HTR4: variants seen among roughly 807,000 people sequenced by gnomAD.
HTR4 encodes 5-hydroxytryptamine receptor 4.
Under a neutral mutation model 36.8 loss-of-function variants are expected in HTR4, and 16 were observed. The ratio of observed to expected loss-of-function variants is 0.43; its 90% CI spans 0.29 to 0.66. HTR4 has a LOEUF of 0.66. Among genes scored for constraint, HTR4 ranks in the 30% least tolerant of loss-of-function variants. The pLI, the probability that HTR4 is intolerant of heterozygous loss-of-function variation, is 0.13. For missense variants in HTR4, 438 were observed against 490.9 expected (o/e 0.89, Z 1.02); for synonymous variants, 189 against 185.1 (o/e 1.02, Z -0.17).
At chr5:148,617,032 G>C (rs533886959) in intron 2 of HTR4, among the ~76,000 whole-genome samples, 3 of 152,098 alleles carry the variant, frequency 2.0e-5, no homozygotes, top group Non-Finnish European at 4.4e-5. Context: ...TTTCCATTTT[G>C]ATATGGTTTG....
At chr5:148,518,259 T>A (rs535649099) in intron 5 of HTR4, among the ~76,000 whole-genome samples, 91 of 152,178 alleles carry the variant, frequency 6.0e-4, no homozygotes, top group Admixed American at 2.0e-3. Context: ...TATTTTCATC[T>A]CATCACTTAT....
chr5:148,451,341 C>G, intron 5 of HTR4: 2 of 1,607,094 alleles, frequency 1.2e-6, no homozygotes, highest in Non-Finnish European at 1.7e-6. Flanking sequence ...GTCAAGAGCA[C>G]TCCTTCTACT....
intron 2 of HTR4, among the ~76,000 whole-genome samples, chr5:148,595,128 G>A (rs943427495): frequency 6.6e-6 from 1 of 151,470 alleles, no homozygotes; most frequent in African/African-American, 2.4e-5. Flanking sequence ...GTATCAGTGA[G>A]CATTTCTAAC....
intron 1 of HTR4, among the ~76,000 whole-genome samples, chr5:148,651,312 A>T (rs1754027442): frequency 6.6e-6 from 1 of 152,150 alleles, no homozygotes; most frequent in African/African-American, 2.4e-5. Context: ...GATAAAGGTA[A>T]ATGTGTGAGG....
chr5:148,560,209 A>ATT (rs1561619876), intron 2 of HTR4, among the ~76,000 whole-genome samples: 56 of 127,328 alleles, frequency 4.4e-4, no homozygotes, highest in East Asian at 1.7e-3. Context: ...TTTTTTTAAA[A>ATT]AAAAAAAAAA....
intron 5 of HTR4, among the ~76,000 whole-genome samples, chr5:148,521,376 A>G (rs28414739): frequency 0.014 from 2,197 of 152,186 alleles, 56 homozygotes; most frequent in African/African-American, 0.05. Context: ...GCCTTTCCCA[A>G]TGCAGGTGAA....
intron 2 of HTR4, among the ~76,000 whole-genome samples, chr5:148,608,360 G>A (rs1752269427): frequency 6.6e-6 from 1 of 152,152 alleles, no homozygotes; most frequent in Non-Finnish European, 1.5e-5. Context: ...GGACATTTTA[G>A]AGAAGCAGCT....
intron 4 of HTR4, among the ~76,000 whole-genome samples, chr5:148,541,190 C>T (rs1464896634): frequency 6.6e-6 from 1 of 152,160 alleles, no homozygotes; most frequent in Non-Finnish European, 1.5e-5. Context: ...GACAACCAGT[C>T]AAGCTGTGAC....
At chr5:148,577,000 A>G (rs1406462882) in intron 2 of HTR4, among the ~76,000 whole-genome samples, 1 of 151,958 alleles carries the variant, frequency 6.6e-6, no homozygotes, top group Non-Finnish European at 1.5e-5. Flanking sequence ...CTTCTGCACA[A>G]CAATGACAAA....
intron 2 of HTR4, among the ~76,000 whole-genome samples, chr5:148,566,677 T>C (rs773411056): frequency 2.0e-5 from 3 of 152,166 alleles, no homozygotes. Context: ...AACACTGAAA[T>C]GCAAATCTGG....
chr5:148,584,591 C>A (rs1333788961), intron 2 of HTR4, among the ~76,000 whole-genome samples: 5 of 152,204 alleles, frequency 3.3e-5, no homozygotes, highest in Admixed American at 6.5e-5. Flanking sequence ...ACACTGATAA[C>A]TACCTTCCCA....
chr5:148,463,846 T>C (rs1755352037), intron 5 of HTR4, among the ~76,000 whole-genome samples: 1 of 151,988 alleles, frequency 6.6e-6, no homozygotes, highest in Non-Finnish European at 1.5e-5. Flanking sequence ...AATATAAAAC[T>C]GCAGTAAATG....
chr5:148,515,459 T>C (rs1211533853), intron 5 of HTR4, among the ~76,000 whole-genome samples: 1 of 152,232 alleles, frequency 6.6e-6, no homozygotes, highest in African/African-American at 2.4e-5. Flanking sequence ...TGTTTCAATC[T>C]GGGATTATTT....
At chr5:148,577,034 C>T (rs1264824225) in intron 2 of HTR4, among the ~76,000 whole-genome samples, 1 of 152,090 alleles carries the variant, frequency 6.6e-6, no homozygotes, top group Non-Finnish European at 1.5e-5. Flanking sequence ...AGTAAACAGA[C>T]AACCTACAGA....
chr5:148,617,667 C>T (rs886834404), intron 2 of HTR4, among the ~76,000 whole-genome samples: 1 of 151,986 alleles, frequency 6.6e-6, no homozygotes, highest in Middle Eastern at 3.2e-3. Flanking sequence ...GAGGGTTTCA[C>T]CATGTTGGCC....
chr5:148,514,352 A>G (rs894567015), intron 5 of HTR4, among the ~76,000 whole-genome samples: 3 of 152,166 alleles, frequency 2.0e-5, no homozygotes, highest in African/African-American at 7.2e-5. Flanking sequence ...TGGCAGTAAC[A>G]AAATGAACAT....
chr5:148,475,826 G>A (rs78467440), downstream of HTR4, among the ~76,000 whole-genome samples: 3,948 of 152,268 alleles, frequency 0.026, 95 homozygotes, highest in East Asian at 0.078. Flanking sequence ...CTATTTATAT[G>A]CTTTAACCCA....
At chr5:148,475,188 A>G (rs1020417928), downstream of HTR4, among the ~76,000 whole-genome samples, 5 of 152,236 alleles carry the variant, frequency 3.3e-5, no homozygotes, top group African/African-American at 1.2e-4. Flanking sequence ...TATTTAAATT[A>G]TACAACCTCA....
chr5:148,578,340 C>T (rs1761006187), intron 2 of HTR4, among the ~76,000 whole-genome samples: 1 of 152,010 alleles, frequency 6.6e-6, no homozygotes, highest in South Asian at 2.1e-4. Context: ...TTTCAGTAAA[C>T]TTAAACCTCA....
Sources: allele counts gnomAD v4.1 joint callset (sites outside exome capture counted in the v4.1 genomes callset), GRCh38; gene constraint gnomAD v4.1.1; transcripts MANE v1.5; gene names NCBI Gene and HGNC (gene_info 2026-07-23, HGNC 2026-07-21).